PSMD14: variants seen among roughly 807,000 people sequenced by gnomAD.
PSMD14 encodes proteasome 26S subunit, non-ATPase 14.
In PSMD14, 7 loss-of-function variants were observed where a neutral mutation model predicts 41.2. The observed-to-expected ratio is 0.17, with a 90% confidence interval of 0.10 to 0.32. The LOEUF (loss-of-function observed/expected upper bound fraction) is 0.32, where lower values mean the gene tolerates loss of function less well. PSMD14 is among the 10% of genes least tolerant of loss of function. The pLI is 1.00. For synonymous variants in PSMD14, 114 were observed against 122.3 expected (o/e 0.93, Z 0.45); for missense variants, 139 against 375.6 (o/e 0.37, Z 5.21).
chr2:161,371,089 C>A, intron 6 of PSMD14, 83 bp from the exon 7 acceptor site: 3 of 1,413,352 alleles, frequency 2.1e-6, no homozygotes, highest in East Asian at 2.4e-5. Context: ...TTAATTTATA[C>A]CCCGTTAGTG....
chr2:161,372,574 C>T (rs889980534), intron 7 of PSMD14, among the ~76,000 whole-genome samples: 1 of 151,878 alleles, frequency 6.6e-6, no homozygotes, highest in Non-Finnish European at 1.5e-5. Flanking sequence ...TATACTAGAC[C>T]ATTCAGAATG....
intron 3 of PSMD14, among the ~76,000 whole-genome samples, chr2:161,339,606 A>C (rs1682920606): frequency 6.6e-6 from 1 of 152,006 alleles, no homozygotes; most frequent in Non-Finnish European, 1.5e-5. Context: ...TGGTGCCTAT[A>C]AGCCAGGGTC....
intron 7 of PSMD14, among the ~76,000 whole-genome samples, chr2:161,375,200 G>A (rs375526233): frequency 7.2e-5 from 11 of 151,962 alleles, no homozygotes; most frequent in East Asian, 3.9e-4. Context: ...TTAAAAAATG[G>A]TCTTTGTGTT....
intron 3 of PSMD14, among the ~76,000 whole-genome samples, chr2:161,332,560 A>C (rs1454317597): frequency 1.3e-5 from 2 of 152,202 alleles, no homozygotes; most frequent in African/African-American, 4.8e-5. Context: ...TGTTGATCAG[A>C]TGGGTTAGCT....
chr2:161,340,706 G>A, intron 3 of PSMD14: 1 of 1,559,688 alleles, frequency 6.4e-7, no homozygotes, highest in Non-Finnish European at 8.7e-7. Flanking sequence ...GAGGCAGCAT[G>A]CACCCTGGGC....
At chr2:161,334,730 A>T (rs115383457) in intron 3 of PSMD14, among the ~76,000 whole-genome samples, 1 of 152,214 alleles carries the variant, frequency 6.6e-6, no homozygotes, top group African/African-American at 2.4e-5. Context: ...TTTTCTTCTG[A>T]TGTGTTTTCT....
chr2:161,378,299 C>T (rs1352081722), intron 7 of PSMD14, among the ~76,000 whole-genome samples: 1 of 151,878 alleles, frequency 6.6e-6, no homozygotes, highest in Admixed American at 6.6e-5. Flanking sequence ...TGTCAGTGCT[C>T]TATGAGTTTC....
rs1397495477 is a variant in PSMD14, at chr2:161,312,212, C to T, written c.-138+3608C>T. Among the ~76,000 whole-genome samples, 8 of 150,942 alleles carry T rather than the reference C, an allele frequency of 5.3e-5. No individual in the cohort carries two copies. In the East Asian group the frequency reaches 5.9e-4, roughly 11 times the overall value. On this transcript the variant is annotated intron_variant, in intron 1 of 11. Transcript: ENST00000409682. ...AGGCTGGAGTGCGGTGGCGCGATCT[C>T]GGCTCACTGTAACTTCCACCTTCTG...
intron 7 of PSMD14, chr2:161,382,811 C>CAGT (rs1683585858): frequency 6.6e-6 from 1 of 151,674 alleles, no homozygotes; most frequent in Non-Finnish European, 1.5e-5. Flanking sequence ...TGTCTATATA[C>CAGT]TTCAAAATGA....
chr2:161,371,726 A>G (rs1043897074), intron 7 of PSMD14, among the ~76,000 whole-genome samples: 1 of 152,184 alleles, frequency 6.6e-6, no homozygotes, highest in African/African-American at 2.4e-5. Context: ...TGTTTTGCAG[A>G]CATTATGCAG....
At chr2:161,392,076 T>G (rs1683719976) in intron 9 of PSMD14, among the ~76,000 whole-genome samples, 1 of 152,210 alleles carries the variant, frequency 6.6e-6, no homozygotes, top group Admixed American at 6.5e-5. Context: ...CATTCTCATT[T>G]GTTTCTATTT....
At chr2:161,315,348 G>A (rs1689135267) in intron 1 of PSMD14, among the ~76,000 whole-genome samples, 1 of 152,170 alleles carries the variant, frequency 6.6e-6, no homozygotes, top group Non-Finnish European at 1.5e-5. Context: ...AGAGACTAGA[G>A]TGCTATAATC....
intron 8 of PSMD14, among the ~76,000 whole-genome samples, chr2:161,387,221 T>C (rs1333443679): frequency 6.6e-6 from 1 of 151,982 alleles, no homozygotes; most frequent in Non-Finnish European, 1.5e-5. Context: ...AGCCAACAAG[T>C]GACAGAACAA....
At chr2:161,389,882 T>TG (rs1683684847) in intron 8 of PSMD14, among the ~76,000 whole-genome samples, 1 of 73,682 alleles carries the variant, frequency 1.4e-5, no homozygotes, top group South Asian at 5.2e-4. Context: ...TTTCTTTCTT[T>TG]TTTGTTGTTT....
chr2:161,338,346 T>G (rs968603477), intron 3 of PSMD14, among the ~76,000 whole-genome samples: 15 of 151,584 alleles, frequency 9.9e-5, no homozygotes, highest in Non-Finnish European at 1.5e-4. Context: ...GGAGAGTTTT[T>G]TTTTTTTTTT....
rs577106765 is a variant in PSMD14 at position 161,378,666 on chromosome 2, A to T, written c.463-6798A>T. ...TTGGTTTTGTGTCAGGACAGCTATT[A>T]TAACAAACAGCTTTATGATGAAGAG... On this transcript the variant is annotated intron_variant, in intron 7 of 11. Transcript: ENST00000409682. Among the ~76,000 whole-genome samples, 16 of 152,086 alleles carry T rather than the reference A, an allele frequency of 1.1e-4. No homozygotes were observed. In the South Asian group the frequency reaches 3.1e-3, roughly 30 times the overall value.
intron 1 of PSMD14, among the ~76,000 whole-genome samples, chr2:161,313,384 G>C (rs773585969): frequency 1.8e-4 from 27 of 152,086 alleles, no homozygotes; most frequent in Non-Finnish European, 2.9e-4. Context: ...GAGTCTTGCT[G>C]TGTCGCCCAG....
At chr2:161,401,384 T>C (rs1241783980) in intron 10 of PSMD14, among the ~76,000 whole-genome samples, 1 of 152,236 alleles carries the variant, frequency 6.6e-6, no homozygotes, top group Non-Finnish European at 1.5e-5. Flanking sequence ...CTCATCCCCA[T>C]TTGTTCAAGG....
At chr2:161,353,322 A>G (rs1683146223) in intron 3 of PSMD14, among the ~76,000 whole-genome samples, 1 of 152,210 alleles carries the variant, frequency 6.6e-6, no homozygotes, top group Admixed American at 6.5e-5. Flanking sequence ...TCATAAAGCC[A>G]AAAGTATGGA....
Sources: gnomAD v4.1 joint callset for allele counts (sites outside exome capture counted in the v4.1 genomes callset) on GRCh38, gnomAD v4.1.1 for gene constraint, MANE v1.5 for transcripts, NCBI Gene and HGNC (gene_info 2026-07-23, HGNC 2026-07-21) for gene names.